Variants in ZCCHC7 observed in about 807,000 individuals in gnomAD.
ZCCHC7 encodes the protein zinc finger CCHC-type containing 7.
Under a neutral mutation model 52.0 loss-of-function variants are expected in ZCCHC7, and 35 were observed. That is an observed-to-expected ratio of 0.67 (90% CI 0.51 to 0.89). The LOEUF is 0.89. ZCCHC7 is among the 40% of genes least tolerant of loss of function. The pLI, the probability that ZCCHC7 is intolerant of heterozygous loss-of-function variation, is 0.00. For synonymous variants in ZCCHC7, 217 were observed against 221.5 expected, an observed-to-expected ratio of 0.98 and a Z score of 0.18; for missense variants, 574 against 649.1, an observed-to-expected ratio of 0.88 and a Z score of 1.26.
At chr9:37,140,068 A>G (rs1232990927) in intron 2 of ZCCHC7, among the ~76,000 whole-genome samples, 1 of 151,974 alleles carries the variant, frequency 6.6e-6, no homozygotes, top group African/African-American at 2.4e-5. Flanking sequence ...ATACATATAC[A>G]TTTAACTAAA....
At chr9:37,139,925 A>C (rs538514371) in intron 2 of ZCCHC7, among the ~76,000 whole-genome samples, 2 of 152,042 alleles carry the variant, frequency 1.3e-5, no homozygotes, top group South Asian at 4.1e-4. Flanking sequence ...TACTTTTTCT[A>C]TATTGGTAGT....
chr9:37,248,572 A>G (rs1028997435), intron 2 of ZCCHC7, among the ~76,000 whole-genome samples: 4 of 152,164 alleles, frequency 2.6e-5, no homozygotes, highest in African/African-American at 9.7e-5. Flanking sequence ...CTAAGTACTT[A>G]GAAGCTCTTA....
At chr9:37,184,578 C>G (rs1032430616) in intron 2 of ZCCHC7, among the ~76,000 whole-genome samples, 1 of 152,140 alleles carries the variant, frequency 6.6e-6, no homozygotes, top group African/African-American at 2.4e-5. Context: ...TAAGGAAATA[C>G]ATAGTACGAA....
intron 6 of ZCCHC7, 115 bp downstream of exon 6, chr9:37,327,949 A>C: frequency 8.6e-7 from 1 of 1,159,286 alleles, no homozygotes; most frequent in Non-Finnish European, 1.3e-6. Flanking sequence ...TAAACATCTG[A>C]AGAGTTTTTG....
chr9:37,259,278 T>A (rs927243079), intron 2 of ZCCHC7, among the ~76,000 whole-genome samples: 1 of 152,138 alleles, frequency 6.6e-6, no homozygotes, highest in African/African-American at 2.4e-5. Flanking sequence ...TAAACACAAA[T>A]TCAAAATTAT....
At chr9:37,230,978 G>C (rs717546) in intron 2 of ZCCHC7, among the ~76,000 whole-genome samples, 1 of 151,784 alleles carries the variant, frequency 6.6e-6, no homozygotes, top group African/African-American at 2.4e-5. Flanking sequence ...TAGGACACCC[G>C]GGCTGGATTG....
At chr9:37,165,130 T>G (rs1164612446) in intron 2 of ZCCHC7, among the ~76,000 whole-genome samples, 1 of 152,250 alleles carries the variant, frequency 6.6e-6, no homozygotes, top group Non-Finnish European at 1.5e-5. Flanking sequence ...GATACCAGTT[T>G]AAAATTACAG....
chr9:37,189,853 A>G (rs756484647), intron 2 of ZCCHC7, among the ~76,000 whole-genome samples: 11 of 152,180 alleles, frequency 7.2e-5, no homozygotes, highest in Non-Finnish European at 1.3e-4. Context: ...CTGGGAACTG[A>G]GTAGTTGTCT....
intron 2 of ZCCHC7, among the ~76,000 whole-genome samples, chr9:37,248,149 G>T (rs1826161351): frequency 6.6e-6 from 1 of 152,080 alleles, no homozygotes; most frequent in African/African-American, 2.4e-5. Flanking sequence ...GAATACATTT[G>T]TATAATGCTT....
chr9:37,276,761 G>A (rs768143167), intron 2 of ZCCHC7, among the ~76,000 whole-genome samples: 1 of 152,162 alleles, frequency 6.6e-6, no homozygotes, highest in African/African-American at 2.4e-5. Context: ...GAACTAAAAT[G>A]TAATATTTTC....
At chr9:37,294,513 T>A (rs1270803437) in intron 2 of ZCCHC7, among the ~76,000 whole-genome samples, 2 of 152,236 alleles carry the variant, frequency 1.3e-5, no homozygotes, top group Admixed American at 1.3e-4. Context: ...ATTTCAGTAA[T>A]GGCAGGGTTG....
At chr9:37,339,006 C>G (rs1008598075) in intron 6 of ZCCHC7, among the ~76,000 whole-genome samples, 1 of 152,052 alleles carries the variant, frequency 6.6e-6, no homozygotes, top group Admixed American at 6.6e-5. Context: ...AAGGAATTAC[C>G]CAATGGATTG....
chr9:37,319,782 T>G (rs964291952), intron 5 of ZCCHC7, among the ~76,000 whole-genome samples: 1 of 152,200 alleles, frequency 6.6e-6, no homozygotes, highest in Non-Finnish European at 1.5e-5. Flanking sequence ...AGATCTGTTA[T>G]CTATTTTGAG....
At chr9:37,340,874 T>C (rs1193016317) in intron 6 of ZCCHC7, among the ~76,000 whole-genome samples, 3 of 152,184 alleles carry the variant, frequency 2.0e-5, no homozygotes, top group Non-Finnish European at 4.4e-5. Flanking sequence ...AGTATGTAGA[T>C]AGCGTTTGTC....
intron 2 of ZCCHC7, among the ~76,000 whole-genome samples, chr9:37,267,085 GC>G: frequency 6.6e-6 from 1 of 152,148 alleles, no homozygotes; most frequent in Middle Eastern, 3.4e-3. Context: ...ATCCATTCAG[GC>G]CCAGTTTCAA....
chr9:37,203,181 CT>C (rs1473242305), intron 2 of ZCCHC7, among the ~76,000 whole-genome samples: 1 of 152,140 alleles, frequency 6.6e-6, no homozygotes, highest in Non-Finnish European at 1.5e-5. Flanking sequence ...CCTTACTGAA[CT>C]TTACAGATTT....
intron 2 of ZCCHC7, among the ~76,000 whole-genome samples, chr9:37,214,842 T>C (rs1488587656): frequency 6.6e-6 from 1 of 152,072 alleles, no homozygotes; most frequent in Non-Finnish European, 1.5e-5. Context: ...AGTCATATAC[T>C]TTTTTGTTAT....
intron 7 of ZCCHC7, among the ~76,000 whole-genome samples, chr9:37,352,398 C>T (rs757296096): frequency 1.7e-4 from 26 of 152,028 alleles, no homozygotes; most frequent in Non-Finnish European, 3.4e-4. Flanking sequence ...AAAGATTACT[C>T]CAGGAGTGTG....
chr9:37,131,453 C>T (rs1462670281), intron 2 of ZCCHC7, among the ~76,000 whole-genome samples: 1 of 152,146 alleles, frequency 6.6e-6, no homozygotes, highest in African/African-American at 2.4e-5. Flanking sequence ...CGAGACCAGC[C>T]TGGCCAACAT....
Sources: gnomAD v4.1 joint callset for allele counts (sites outside exome capture counted in the v4.1 genomes callset) on GRCh38, gnomAD v4.1.1 for gene constraint, MANE v1.5 for transcripts, NCBI Gene and HGNC (gene_info 2026-07-23, HGNC 2026-07-21) for gene names.